Variants in KCNJ6 observed in about 807,000 individuals in gnomAD.
KCNJ6 encodes the protein G protein-activated inward rectifier potassium channel 2.
KCNJ6 carries 9 observed loss-of-function variants against 34.2 expected under a neutral mutation model. The ratio of observed to expected loss-of-function variants is 0.26; its 90% CI spans 0.16 to 0.46. The LOEUF is 0.46. Ranked by LOEUF, KCNJ6 falls within the 20% of genes least tolerant of loss-of-function variation. The pLI, the probability that KCNJ6 is intolerant of heterozygous loss-of-function variation, is 1.00. For missense variants in KCNJ6, 236 were observed against 531.3 expected (o/e 0.44, Z 5.46); for synonymous variants, 196 against 207.1 (o/e 0.95, Z 0.46).
intron 1 of KCNJ6, among the ~76,000 whole-genome samples, chr21:37,884,989 T>G (rs1007687276): frequency 2.0e-5 from 3 of 152,234 alleles, no homozygotes; most frequent in Non-Finnish European, 2.9e-5. Context: ...CAGAGAAATC[T>G]TCTTCCTTTT....
rs949886540 is a variant in KCNJ6, at chr21:37,766,217, G to A, written c.26-51086C>T. ...AAGAACTGGGGTAACTAAGAATGGC[G>A]GCTCTGTATGTGGGTGGAGTAGGAT... On this transcript the variant is annotated intron_variant, in intron 2 of 3. Transcript: ENST00000609713. Among the ~76,000 whole-genome samples, 11 of 152,154 alleles carry A rather than the reference G, an allele frequency of 7.2e-5. No individual in the cohort carries two copies. In the South Asian group the frequency reaches 1.9e-3, roughly 26 times the overall value.
At chr21:37,823,510 G>A (rs1172158139) in intron 2 of KCNJ6, among the ~76,000 whole-genome samples, 3 of 152,150 alleles carry the variant, frequency 2.0e-5, no homozygotes, top group African/African-American at 7.2e-5. Context: ...TTGGATCATG[G>A]AGGCTCCTTC....
intron 2 of KCNJ6, among the ~76,000 whole-genome samples, chr21:37,741,259 AG>A (rs1160351709): frequency 6.6e-6 from 1 of 152,148 alleles, no homozygotes; most frequent in Non-Finnish European, 1.5e-5. Context: ...GTCCCTGAAG[AG>A]TCCCCCCACA....
chr21:37,711,444 G>T (rs2054751756), intron 3 of KCNJ6, among the ~76,000 whole-genome samples: 1 of 152,174 alleles, frequency 6.6e-6, no homozygotes, highest in Non-Finnish European at 1.5e-5. Context: ...CGACATTGTT[G>T]AAAGAAGTGA....
chr21:37,652,478 C>T (rs895605437), intron 3 of KCNJ6, among the ~76,000 whole-genome samples: 1 of 152,012 alleles, frequency 6.6e-6, no homozygotes, highest in African/African-American at 2.4e-5. Context: ...ATTGTGGAAG[C>T]GAAGGAGGGT....
intron 3 of KCNJ6, among the ~76,000 whole-genome samples, chr21:37,631,584 G>A (rs1225865497): frequency 6.6e-6 from 1 of 152,192 alleles, no homozygotes; most frequent in Non-Finnish European, 1.5e-5. Flanking sequence ...GATTGGAGAA[G>A]GGAGTCAAAA....
chr21:37,759,600 C>A (rs2055050078), intron 2 of KCNJ6, among the ~76,000 whole-genome samples: 1 of 152,186 alleles, frequency 6.6e-6, no homozygotes, highest in African/African-American at 2.4e-5. Context: ...GGGTCTTGTC[C>A]TTGAGGAAGC....
At chr21:37,853,846 G>GTATATATA (rs144698876) in intron 1 of KCNJ6, among the ~76,000 whole-genome samples, 4,766 of 115,904 alleles carry the variant, frequency 0.041, 158 homozygotes, top group Middle Eastern at 0.1. Flanking sequence ...ATATATATAT[G>GTATATATA]TATATATATA....
chr21:37,834,957 G>A (rs190499087), intron 2 of KCNJ6, among the ~76,000 whole-genome samples: 1 of 152,168 alleles, frequency 6.6e-6, no homozygotes, highest in Admixed American at 6.5e-5. Flanking sequence ...CCTCTTCTCT[G>A]CTCCATGTGG....
In KCNJ6 at chr21:37,916,308, G is replaced by T. The variant is rs888282479; in HGVS notation, c.-452C>A. ...GTGGGGAAAGATAAGAGTGGCAGAA[G>T]AAAAAAAAAATCCCCGGTTAGGAGA... is the stretch of plus-strand genomic sequence containing the variant. On this transcript the variant is annotated 5_prime_UTR_variant, in exon 1 of 4. Coordinates refer to ENST00000609713, the MANE Select transcript of KCNJ6 (RefSeq NM_002240.5). The T allele has an allele frequency of 2.7e-5, 4 of 149,972 alleles. No individual in the cohort carries two copies. Among genetic ancestry groups the T allele is most frequent in the African/African-American group, 9.8e-5 (4 of 40,796 alleles). The allele number at this position is 149,972 out of a possible 1,614,324, so 9.3% of individuals were successfully genotyped here. A position where few individuals can be genotyped will look rare whatever the true frequency, so the allele number is the denominator to read the frequency against.
rs2054454534 is a variant in KCNJ6, at chr21:37,655,215, GTGTGTGTGTGAGAGAGAGAGAGAGA to G, written c.947-29756_947-29732del. On this transcript the variant is annotated intron_variant, in intron 3 of 3. Transcript: ENST00000609713. ...TGTGTGTGTGTGTGTGTGTGTGTGT[GTGTGTGTGTGAGAGAGAGAGAGAGA>G]GAGAGAGAGAGAGAGAGAGAGAGAG... is the stretch of plus-strand genomic sequence containing the variant. 5.6e-5 allele frequency among the ~76,000 whole-genome samples: 2 copies of G among 35,562 alleles called. 1 individual carries two copies. Among genetic ancestry groups the G allele is most frequent in the African/African-American group, 1.1e-4 (2 of 17,442 alleles). 23.3% of individuals were successfully genotyped at this position (35,562 alleles called of 152,430 possible).
intron 1 of KCNJ6, among the ~76,000 whole-genome samples, chr21:37,859,476 C>A (rs2055581703): frequency 6.2e-5 from 1 of 16,038 alleles, no homozygotes; most frequent in South Asian, 1.7e-3. Flanking sequence ...TAACTATGGG[C>A]TTATATTACT....
At chr21:37,760,871 G>A (rs78904963) in intron 2 of KCNJ6, among the ~76,000 whole-genome samples, 3,321 of 152,246 alleles carry the variant, frequency 0.022, 125 homozygotes, top group African/African-American at 0.076. Flanking sequence ...TGGAGGCGGG[G>A]TGGGGAACTG....
At chr21:37,696,785 T>C (rs1569447228) in intron 3 of KCNJ6, among the ~76,000 whole-genome samples, 1 of 152,226 alleles carries the variant, frequency 6.6e-6, no homozygotes, top group East Asian at 1.9e-4. Flanking sequence ...TACAGTTTAC[T>C]TTCAAATGAT....
intron 2 of KCNJ6, among the ~76,000 whole-genome samples, chr21:37,738,445 T>C (rs1208561914): frequency 6.6e-6 from 1 of 152,272 alleles, no homozygotes; most frequent in South Asian, 2.1e-4. Flanking sequence ...TTAAAGTTAC[T>C]TGACTGAATT....
chr21:37,610,081 C>T lies in KCNJ6; in HGVS notation c.*15078G>A, dbSNP rs559018833. 2.0e-5 allele frequency: 3 copies of T among 152,320 alleles called. No individual in the cohort carries two copies. The highest frequency in any genetic ancestry group is 1.3e-4 in the Admixed American group (2 of 15,294). The allele number at this position is 152,320 out of a possible 1,614,324, so 9.4% of individuals were successfully genotyped here. A position where few individuals can be genotyped will look rare whatever the true frequency, so the allele number is the denominator to read the frequency against. ...AAGTGTGTGGCTGGTAGTTAATTTC[C>T]CTGCTGCCAGCAAGGGAATCAGTTA... On this transcript the variant is annotated 3_prime_UTR_variant, in exon 4 of 4. Transcript: ENST00000609713.
intron 1 of KCNJ6, among the ~76,000 whole-genome samples, chr21:37,846,375 G>A: frequency 6.7e-6 from 1 of 148,570 alleles, no homozygotes; most frequent in Admixed American, 6.7e-5. Flanking sequence ...GTGTGTGTGT[G>A]TGTGTGTGTG....
At chr21:37,644,190 C>T (rs2054393482) in intron 3 of KCNJ6, among the ~76,000 whole-genome samples, 1 of 152,106 alleles carries the variant, frequency 6.6e-6, no homozygotes, top group Non-Finnish European at 1.5e-5. Flanking sequence ...CTCATGAACA[C>T]ATAGAGGGGA....
At chr21:37,712,442 C>T (rs956522356) in intron 3 of KCNJ6, among the ~76,000 whole-genome samples, 3 of 149,648 alleles carry the variant, frequency 2.0e-5, no homozygotes, top group South Asian at 2.1e-4. Flanking sequence ...TCTTTCCTCC[C>T]TCCTCCCCAG....
Sources: allele counts gnomAD v4.1 joint callset (sites outside exome capture counted in the v4.1 genomes callset), GRCh38; gene constraint gnomAD v4.1.1; transcripts MANE v1.5; gene names NCBI Gene and HGNC (gene_info 2026-07-23, HGNC 2026-07-21).